Variants in SORCS3 observed in about 807,000 individuals in gnomAD.
SORCS3 encodes the protein sortilin related VPS10 domain containing receptor 3, also known as VPS10 domain-containing receptor SorCS3.
In SORCS3, 57 loss-of-function variants were observed where a neutral mutation model predicts 146.3. The observed-to-expected ratio is 0.39, with a 90% confidence interval of 0.31 to 0.49. The LOEUF (loss-of-function observed/expected upper bound fraction) is 0.49, where lower values mean the gene tolerates loss of function less well. SORCS3 is among the 20% of genes least tolerant of loss of function. The pLI is 0.92. For missense variants in SORCS3, 1,341 were observed against 1,575.5 expected, an observed-to-expected ratio of 0.85 and a Z score of 2.52; for synonymous variants, 653 against 618.5, an observed-to-expected ratio of 1.06 and a Z score of -0.83.
intron 7 of SORCS3, among the ~76,000 whole-genome samples, chr10:105,111,809 G>A (rs188181298): frequency 8.3e-4 from 127 of 152,310 alleles, no homozygotes; most frequent in Non-Finnish European, 1.4e-3. Flanking sequence ...CTAGAAGAGG[G>A]TCAGTACAGG....
At chr10:104,999,952 C>G (rs1564731883) in intron 4 of SORCS3, among the ~76,000 whole-genome samples, 2 of 152,060 alleles carry the variant, frequency 1.3e-5, no homozygotes, top group African/African-American at 4.8e-5. Flanking sequence ...TACTTGGCCC[C>G]TGGTCCTCCA....
At chr10:104,910,381 C>T (rs184898804) in intron 2 of SORCS3, among the ~76,000 whole-genome samples, 7 of 152,072 alleles carry the variant, frequency 4.6e-5, no homozygotes, top group Non-Finnish European at 7.3e-5. Context: ...CAAGAAGCCA[C>T]GCATAAGAAT....
At chr10:105,114,777 A>G (rs1278603471) in intron 7 of SORCS3, among the ~76,000 whole-genome samples, 2 of 152,128 alleles carry the variant, frequency 1.3e-5, no homozygotes, top group Non-Finnish European at 2.9e-5. Context: ...TCTCAGTAAT[A>G]TTCTATAGAC....
chr10:104,742,230 A>G (rs1481577738), intron 1 of SORCS3, among the ~76,000 whole-genome samples: 1 of 152,182 alleles, frequency 6.6e-6, no homozygotes, highest in Admixed American at 6.5e-5. Context: ...GGCTGAAACC[A>G]TCATCTCTTG....
At chr10:105,158,806 G>T in intron 10 of SORCS3, 86 bp from the exon 11 acceptor site, 1 of 1,017,934 alleles carries the variant, frequency 9.8e-7, no homozygotes, top group South Asian at 1.3e-5. Flanking sequence ...TCTGGGAGCT[G>T]AACATCGGGA....
chr10:104,705,139 A>G (rs568296393), intron 1 of SORCS3, among the ~76,000 whole-genome samples: 13 of 152,214 alleles, frequency 8.5e-5, no homozygotes, highest in Non-Finnish European at 1.8e-4. Context: ...TCATTAAAAA[A>G]TACATAATGC....
chr10:104,828,897 C>A (rs2017969319), intron 1 of SORCS3, among the ~76,000 whole-genome samples: 1 of 152,138 alleles, frequency 6.6e-6, no homozygotes, highest in African/African-American at 2.4e-5. Flanking sequence ...TGAGCTCTCC[C>A]TTCTGGAGAG....
intron 4 of SORCS3, among the ~76,000 whole-genome samples, chr10:105,016,155 A>ATTTTTTTTTTTTTT (rs10625699): frequency 9.9e-6 from 1 of 101,340 alleles, no homozygotes; most frequent in Non-Finnish European, 1.9e-5. Flanking sequence ...ATATATATAT[A>ATTTTTTTTTTTTTT]TTTTTTTTTT....
chr10:105,167,551 T>C lies in SORCS3; in HGVS notation c.1901+202T>C, dbSNP rs146529969. 4.3e-3 allele frequency among the ~76,000 whole-genome samples: 652 copies of C among 152,090 alleles called. 7 individuals are homozygous for C. Among genetic ancestry groups the C allele is most frequent in the African/African-American group, 0.015 (631 of 41,484 alleles). Reference sequence around the variant, plus strand: ...GCCAGATAATTCAGATGGGGAGGTGTAATGAATGGGGTGGGTGGTAATGAG... The same window carrying C: ...GCCAGATAATTCAGATGGGGAGGTGCAATGAATGGGGTGGGTGGTAATGAG... On this transcript the variant is annotated intron_variant, in intron 13 of 26. Coordinates refer to ENST00000369701, the MANE Select transcript of SORCS3 (RefSeq NM_014978.3).
chr10:104,699,157 G>A (rs117122587), intron 1 of SORCS3, among the ~76,000 whole-genome samples: 191 of 152,254 alleles, frequency 1.3e-3, no homozygotes, highest in Non-Finnish European at 2.2e-3. Flanking sequence ...AGGTATAAAA[G>A]GATAAAAGCC....
chr10:104,875,923 CA>C (rs1323580930), intron 2 of SORCS3, among the ~76,000 whole-genome samples: 1 of 152,130 alleles, frequency 6.6e-6, no homozygotes, highest in Non-Finnish European at 1.5e-5. Context: ...ACTCACATGG[CA>C]AAAGGAAAAT....
chr10:104,675,207 G>C (rs2015899811), intron 1 of SORCS3, among the ~76,000 whole-genome samples: 1 of 152,130 alleles, frequency 6.6e-6, no homozygotes, highest in Non-Finnish European at 1.5e-5. Context: ...CAATTACTGA[G>C]ATGTTGAGCA....
At chr10:104,827,997 A>G (rs2017957462) in intron 1 of SORCS3, among the ~76,000 whole-genome samples, 1 of 152,102 alleles carries the variant, frequency 6.6e-6, no homozygotes, top group South Asian at 2.1e-4. Flanking sequence ...CTTGCTCTGG[A>G]TTAGGCTTTG....
chr10:105,147,010 A>G (rs766952782), intron 8 of SORCS3, among the ~76,000 whole-genome samples: 1 of 152,146 alleles, frequency 6.6e-6, no homozygotes, highest in Non-Finnish European at 1.5e-5. Context: ...GATCTTCAAC[A>G]TAATTTCATT....
intron 1 of SORCS3, among the ~76,000 whole-genome samples, chr10:104,750,269 C>T (rs115046572): frequency 1.6e-3 from 236 of 152,050 alleles, no homozygotes; most frequent in African/African-American, 5.3e-3. Flanking sequence ...TTACTGCTTT[C>T]GTAAGGGTCA....
At chr10:105,064,856 C>T (rs1052142389) in intron 5 of SORCS3, among the ~76,000 whole-genome samples, 42 of 152,282 alleles carry the variant, frequency 2.8e-4, no homozygotes, top group Non-Finnish European at 3.4e-4. Flanking sequence ...CTGGCTCACA[C>T]GCCAATCTCC....
chr10:104,779,475 T>C (rs1385171769), intron 1 of SORCS3, among the ~76,000 whole-genome samples: 2 of 152,154 alleles, frequency 1.3e-5, no homozygotes, highest in African/African-American at 4.8e-5. Flanking sequence ...AATGAAAATA[T>C]ACGAGAGAAA....
At chr10:104,681,170 C>G (rs1350843498) in intron 1 of SORCS3, among the ~76,000 whole-genome samples, 1 of 152,212 alleles carries the variant, frequency 6.6e-6, no homozygotes, top group East Asian at 1.9e-4. Context: ...GGGAGACGCT[C>G]ATGAATCAGC....
At chr10:105,252,415 A>G (rs3011669) in intron 22 of SORCS3, among the ~76,000 whole-genome samples, 87,012 of 152,034 alleles carry the variant, frequency 0.57, 25,182 homozygotes, top group East Asian at 0.75. Flanking sequence ...CTTTTTCCTC[A>G]TTTGCACCCA....
Sources: allele counts gnomAD v4.1 joint callset (sites outside exome capture counted in the v4.1 genomes callset), GRCh38; gene constraint gnomAD v4.1.1; transcripts MANE v1.5; gene names NCBI Gene and HGNC (gene_info 2026-07-23, HGNC 2026-07-21).